Variants in ZGPAT observed in about 807,000 individuals in gnomAD.
ZGPAT encodes the protein zinc finger CCCH-type with G patch domain-containing protein.
A neutral mutation model predicts 47.9 loss-of-function variants in ZGPAT; 39 were observed. The observed-to-expected ratio is 0.81, with a 90% CI of 0.63 to 1.06. The LOEUF (loss-of-function observed/expected upper bound fraction) is 1.06. Ranked by LOEUF, ZGPAT falls within the 50% of genes least tolerant of loss-of-function variation. The pLI is 0.00. For synonymous variants in ZGPAT, 348 were observed against 292.9 expected (o/e 1.19, Z -1.92); for missense variants, 717 against 681.4 (o/e 1.05, Z -0.58).
chr20:63,715,015 A>G (rs2091711855), intron 2 of ZGPAT, among the ~76,000 whole-genome samples: 1 of 151,760 alleles, frequency 6.6e-6, no homozygotes, highest in Non-Finnish European at 1.5e-5. Context: ...CATTTTGTTA[A>G]TGTGGTATAT....
chr20:63,735,118 G>A (rs2091968210), intron 5 of ZGPAT, 41 bp from the exon 6 acceptor site: 15 of 1,479,686 alleles, frequency 1.0e-5, no homozygotes, highest in Non-Finnish European at 1.3e-5. Flanking sequence ...AGATTCCCGG[G>A]GTCCCGCAGC....
chr20:63,735,926 C>T lies in ZGPAT; in HGVS notation c.*7C>T. 1 of 1,608,980 alleles carries T rather than the reference C, an allele frequency of 6.2e-7. No individual in the cohort carries two copies. The highest frequency in any genetic ancestry group is 8.5e-7 in the Non-Finnish European group (1 of 1,177,360). ...GAAGATGACTGAGTTCTAGAGACCC[C>T]ACAAGCACTATGGACGAAGCGTGGG... On this transcript the variant is annotated 3_prime_UTR_variant, in exon 7 of 7. Transcript: ENST00000355969.
chr20:63,721,721 G>C (rs1278664388), intron 2 of ZGPAT, among the ~76,000 whole-genome samples: 2 of 152,040 alleles, frequency 1.3e-5, no homozygotes, highest in East Asian at 3.9e-4. Flanking sequence ...GTATCTACCT[G>C]TAAATGCCTT....
intron 2 of ZGPAT, among the ~76,000 whole-genome samples, chr20:63,717,877 T>C (rs2091747042): frequency 6.6e-6 from 1 of 152,042 alleles, no homozygotes; most frequent in Non-Finnish European, 1.5e-5. Context: ...ACCCCATCTC[T>C]ACTAAAAATA....
chr20:63,708,515 C>T (rs1186533057), intron 1 of ZGPAT, 38 bp from the exon 2 acceptor site: 5 of 1,471,960 alleles, frequency 3.4e-6, no homozygotes, highest in African/African-American at 1.4e-5. Context: ...TGGGGTCGGT[C>T]CCGAGACGCG....
At chr20:63,723,938 G>C (rs2091816844) in intron 2 of ZGPAT, among the ~76,000 whole-genome samples, 1 of 151,990 alleles carries the variant, frequency 6.6e-6, no homozygotes, top group South Asian at 2.1e-4. Context: ...TGGCATGGTG[G>C]CACGCGCCTG....
At position 63,732,775 on chromosome 20, in the gene ZGPAT, CGT is replaced by C. The variant is rs547224251; in HGVS notation, c.585-437_585-436del. Among the ~76,000 whole-genome samples, 1,352 of 146,972 alleles carry C rather than the reference CGT, an allele frequency of 9.2e-3. 12 individuals carry two copies. Among genetic ancestry groups the C allele is most frequent in the Non-Finnish European group, 0.015 (984 of 67,566 alleles). On this transcript the variant is annotated intron_variant, in intron 2 of 6. Coordinates refer to ENST00000355969, the MANE Select transcript of ZGPAT (RefSeq NM_181485.3). ...GTATGCCTGTGTACGTATGTATATG[CGT>C]GTGTGTATGCATGTGAGTGCATGTT...
In ZGPAT at chr20:63,734,748, C is replaced by T; in HGVS notation, c.915C>T (p.Ala305=). Residue 305 remains alanine, a synonymous_variant, in exon 5 of 7, where the codon GCC becomes GCT. Coordinates refer to ENST00000355969, the MANE Select transcript of ZGPAT (RefSeq NM_181485.3). ...DAVDSGTCSS[A]FAGWEVHTRG... is the part of the protein sequence containing the mutation. ...TGGACTCTGGGACCTGCAGCTCTGCCTTTGCTGGCTGGGAGGTGCACACGC... is the reference window on the plus strand; with the variant it reads ...TGGACTCTGGGACCTGCAGCTCTGCTTTTGCTGGCTGGGAGGTGCACACGC... 18 of 1,613,984 alleles carry T rather than the reference C, an allele frequency of 1.1e-5. No homozygotes were observed. Among genetic ancestry groups the T allele is most frequent in the Non-Finnish European group, 1.5e-5 (18 of 1,179,932 alleles).
rs377715871 is a variant in ZGPAT, at chr20:63,735,115, C to T, written c.992-44C>T. ...GCCATCCCCGTGCTCCTCAGATTCC[C>T]GGGGTCCCGCAGCCACAGCACTGCC... On this transcript the variant is annotated intron_variant, in intron 5 of 6. Transcript: ENST00000355969. 409 of 1,478,474 alleles carry T rather than the reference C, an allele frequency of 2.8e-4. No individual in the cohort carries two copies. The African/African-American group carries it at 5.1e-3, about 18-fold the overall frequency. 91.6% of individuals were successfully genotyped at this position (1,478,474 alleles called of 1,614,324 possible).
intron 2 of ZGPAT, among the ~76,000 whole-genome samples, chr20:63,710,273 G>A (rs912918072): frequency 6.7e-6 from 1 of 149,008 alleles, no homozygotes; most frequent in Non-Finnish European, 1.5e-5. Flanking sequence ...CTACCTCAGC[G>A]TCCAGAGTAG....
chr20:63,735,853 T>C lies in ZGPAT; in HGVS notation c.1470T>C (p.Ala490=). 1.2e-6 allele frequency: 2 copies of C among 1,612,766 alleles called. No homozygotes were observed. Among genetic ancestry groups the C allele is most frequent in the Non-Finnish European group, 1.7e-6 (2 of 1,179,890 alleles). The stretch of plus-strand genomic sequence containing the variant: ...AGCGCCAGCTGGGGCAGCTCCGGGC[T>C]CAGGAAGCCGGCCTGCAGCAGGAGC... ...GAQRQLGQLR[A]QEAGLQQEQR... is the part of the protein sequence containing the mutation. The change falls in exon 7 of 7, where the codon GCT becomes GCC. Residue 490 remains alanine (A), a synonymous_variant. Coordinates refer to ENST00000355969, the MANE Select transcript of ZGPAT (RefSeq NM_181485.3).
chr20:63,712,313 A>G (rs1472991000), intron 2 of ZGPAT, among the ~76,000 whole-genome samples: 8 of 152,182 alleles, frequency 5.3e-5, no homozygotes, highest in Non-Finnish European at 8.8e-5. Flanking sequence ...AATTGGCAAT[A>G]TATGTAAGGG....
Position 63,733,209 on chromosome 20 carries a change from C to G in ZGPAT, c.585-10C>G. ...TGTCTGAGCCCTGCCCCTTACGGCT[C>G]TGTCTGCAGGTTCTCCCATGGGCAG... On this transcript the variant is annotated splice_polypyrimidine_tract_variant and intron_variant, in intron 2 of 6. Transcript: ENST00000355969. 1 of 1,612,226 alleles carries G rather than the reference C, an allele frequency of 6.2e-7. No individual in the cohort carries two copies. The highest frequency in any genetic ancestry group is 8.5e-7 in the Non-Finnish European group (1 of 1,178,730).
At chr20:63,724,305 G>A (rs972821822) in intron 2 of ZGPAT, among the ~76,000 whole-genome samples, 8 of 148,872 alleles carry the variant, frequency 5.4e-5, no homozygotes, top group Admixed American at 1.4e-4. Flanking sequence ...AGCGGAGGTT[G>A]CAGTGAGCAA....
intron 2 of ZGPAT, among the ~76,000 whole-genome samples, chr20:63,726,238 GC>G (rs1222104829): frequency 3.5e-5 from 5 of 143,240 alleles, no homozygotes; most frequent in Admixed American, 2.9e-4. Context: ...TCACTGTGTC[GC>G]CCAGGCTGGA....
In ZGPAT at chr20:63,708,789, GCC is replaced by G. The variant is rs2091610545; in HGVS notation, c.211_212del (p.Pro71GlyfsTer7). On this transcript the variant is annotated frameshift_variant, in exon 2 of 7. Transcript: ENST00000355969. LOFTEE classifies it high-confidence loss of function. The stretch of plus-strand genomic sequence containing the variant: ...TTGTTGGCCGCGCTGGACGAAGAGC[GCC>G]CGGGCCGCCAGGAAGATGCTGAGTA... 1.2e-6 allele frequency: 2 copies of G among 1,606,110 alleles called. No homozygotes were observed. Among genetic ancestry groups the G allele is most frequent in the Non-Finnish European group, 1.7e-6 (2 of 1,174,770 alleles).
At position 63,735,492 on chromosome 20, in the gene ZGPAT, C is replaced by A; in HGVS notation, c.1325C>A (p.Thr442Asn). ...GCCCTGAGCCTGCGGCTCTTCCAGA[C>A]TGAGGAGAAGATCGAGCGAACCCAG... is the stretch of plus-strand genomic sequence containing the variant. ...KRALSLRLFQ[T>N]EEKIERTQRD... Residue 442 changes from threonine (T) to asparagine (N), a missense_variant, in exon 6 of 7, where the codon ACT (threonine) becomes AAT (asparagine). Thr to Asn is a moderately conservative substitution (Grantham distance 65). Coordinates refer to ENST00000355969, the MANE Select transcript of ZGPAT (RefSeq NM_181485.3). 6.5e-7 allele frequency: 1 copy of A among 1,541,298 alleles called. No homozygotes were observed.
chr20:63,709,273 T>C lies in ZGPAT; in HGVS notation c.584+109T>C, dbSNP rs141746271. 8.9e-4 allele frequency: 1,089 copies of C among 1,229,790 alleles called. 9 individuals are homozygous for C. Among genetic ancestry groups the C allele is most frequent in the Middle Eastern group, 5.4e-3 (22 of 4,048 alleles). The allele number at this position is 1,229,790 out of a possible 1,614,324, so 76.2% of individuals were successfully genotyped here. On this transcript the variant is annotated intron_variant, in intron 2 of 6. Transcript: ENST00000355969. ...GCTTTGCAGTTTTGTCTCAGCTTCC[T>C]GGGGCAGGCGTGCTTTGACAGCTGT...
upstream of ZGPAT, chr20:63,707,674 G>C (rs1474312519): frequency 6.6e-6 from 1 of 152,208 alleles, no homozygotes; most frequent in Non-Finnish European, 1.5e-5. Flanking sequence ...GAGGCGGCGC[G>C]CGGCTGGCAG....
Sources: gnomAD v4.1 joint callset for allele counts (sites outside exome capture counted in the v4.1 genomes callset) on GRCh38, gnomAD v4.1.1 for gene constraint, MANE v1.5 for transcripts, NCBI Gene and HGNC (gene_info 2026-07-23, HGNC 2026-07-21) for gene names.